The following FLVCR2 variants were observed in gnomAD, a reference collection of about 807,000 sequenced individuals.
FLVCR2 encodes the protein FLVCR choline and putative heme transporter 2.
Under a neutral mutation model 48.9 loss-of-function variants are expected in FLVCR2, and 38 were observed. The ratio of observed to expected loss-of-function variants is 0.78; its 90% CI spans 0.60 to 1.02. FLVCR2 has a LOEUF of 1.02. Ranked by LOEUF, FLVCR2 falls within the 50% of genes least tolerant of loss-of-function variation. The probability of loss-of-function intolerance (pLI) is 0.00; values close to 1 mark genes in which losing one functional copy is unlikely to be tolerated. For synonymous variants in FLVCR2, 255 were observed against 257.0 expected (o/e 0.99, Z 0.07); for missense variants, 664 against 663.3 (o/e 1.00, Z -0.01).
rs375606040 is a variant in FLVCR2 at position 75,624,751 on chromosome 14, T to C, written c.951T>C (p.Tyr317=). ...ACTTTGTGCTGCTTGTCATCACCTA[T>C]GGTAAGGTGTCAATGTGTCTAGGAA... is the stretch of plus-strand genomic sequence containing the variant. ...NLNFVLLVIT[Y]GLNAGAFYAL... is the part of the protein sequence containing the mutation. The change falls in exon 3 of 10, where the codon TAT becomes TAC. Residue 317 remains tyrosine (Y), a splice_region_variant and synonymous_variant. Transcript: ENST00000238667. 3.6e-5 allele frequency: 58 copies of C among 1,614,018 alleles called. No individual in the cohort carries two copies. The highest frequency in any genetic ancestry group is 4.7e-5 in the Non-Finnish European group (56 of 1,180,010).
chr14:75,626,441 T>C (rs2140041555), intron 3 of FLVCR2, among the ~76,000 whole-genome samples: 1 of 152,028 alleles, frequency 6.6e-6, no homozygotes, highest in African/African-American at 2.4e-5. Flanking sequence ...TTCATCCTGG[T>C]AGAGGGGCAA....
chr14:75,588,532 G>T (rs1347156720), intron 1 of FLVCR2, among the ~76,000 whole-genome samples: 1 of 152,158 alleles, frequency 6.6e-6, no homozygotes, highest in Non-Finnish European at 1.5e-5. Context: ...ACCCAGGCTG[G>T]AGTTCACAGA....
chr14:75,627,772 G>A (rs954994343), intron 3 of FLVCR2, among the ~76,000 whole-genome samples: 1 of 152,188 alleles, frequency 6.6e-6, no homozygotes, highest in Non-Finnish European at 1.5e-5. Flanking sequence ...ATAACAGTTG[G>A]GGTGAACAAG....
In FLVCR2 at chr14:75,647,463, T is replaced by C. The variant is rs117346030; in HGVS notation, c.*991T>C. ...AAAATCCAAAGGTGCTTCTGAGAGA[T>C]AAGAGGGAAGGGGTAGAAGGAAAGG... On this transcript the variant is annotated 3_prime_UTR_variant, in exon 10 of 10. Coordinates refer to ENST00000238667, the MANE Select transcript of FLVCR2 (RefSeq NM_017791.3). The C allele has an allele frequency of 0.02, 3,004 of 152,530 alleles. 50 individuals are homozygous for C. Among genetic ancestry groups the C allele is most frequent in the South Asian group, 0.04 (191 of 4,814 alleles). The allele number at this position is 152,530 out of a possible 1,614,324, so 9.4% of individuals were successfully genotyped here.
chr14:75,617,372 T>G (rs967326837), intron 1 of FLVCR2, among the ~76,000 whole-genome samples: 3 of 152,076 alleles, frequency 2.0e-5, no homozygotes, highest in Admixed American at 6.5e-5. Context: ...CATTTAGAGG[T>G]CACCTTTGAG....
At chr14:75,599,079 G>A (rs1889096833) in intron 1 of FLVCR2, among the ~76,000 whole-genome samples, 1 of 152,124 alleles carries the variant, frequency 6.6e-6, no homozygotes, top group South Asian at 2.1e-4. Context: ...ACTAGGAAGT[G>A]GCTAAAATAA....
chr14:75,624,568 G>T, intron 2 of FLVCR2, 44 bp from the exon 3 acceptor site: 1 of 1,613,134 alleles, frequency 6.2e-7, no homozygotes, highest in South Asian at 1.1e-5. Context: ...CTTCTGGGGT[G>T]GGACCATGGG....
intron 1 of FLVCR2, among the ~76,000 whole-genome samples, chr14:75,609,104 T>C (rs1889371848): frequency 6.6e-6 from 1 of 152,166 alleles, no homozygotes; most frequent in South Asian, 2.1e-4. Flanking sequence ...ATAGCCTTTA[T>C]TTTATTTATT....
intron 1 of FLVCR2, among the ~76,000 whole-genome samples, chr14:75,601,715 T>C (rs1889170084): frequency 6.6e-6 from 1 of 152,182 alleles, no homozygotes; most frequent in East Asian, 1.9e-4. Context: ...GAACAGATAT[T>C]TGTATACTCG....
chr14:75,581,052 A>T (rs1302056314), intron 1 of FLVCR2, among the ~76,000 whole-genome samples: 1 of 151,666 alleles, frequency 6.6e-6, no homozygotes, highest in Non-Finnish European at 1.5e-5. Context: ...TTCGAGCGGG[A>T]TTAGGGGCAG....
intron 5 of FLVCR2, among the ~76,000 whole-genome samples, 187 bp from the exon 6 acceptor site, chr14:75,639,165 C>T (rs905308280): frequency 6.6e-6 from 1 of 152,210 alleles, no homozygotes; most frequent in African/African-American, 2.4e-5. Context: ...GAGCTGTGAT[C>T]ACGCCACTGC....
chr14:75,580,820 T>G (rs1023893415), intron 1 of FLVCR2, among the ~76,000 whole-genome samples: 3 of 152,222 alleles, frequency 2.0e-5, no homozygotes, highest in African/African-American at 7.2e-5. Flanking sequence ...CAGTTAAGGC[T>G]ATTTTCACTT....
At chr14:75,642,500 G>A (rs1334524789) in intron 9 of FLVCR2, among the ~76,000 whole-genome samples, 1 of 152,268 alleles carries the variant, frequency 6.6e-6, no homozygotes, top group African/African-American at 2.4e-5. Context: ...AACCAGCTGG[G>A]AACCACTTTA....
intron 3 of FLVCR2, chr14:75,632,822 A>G: frequency 1.4e-6 from 1 of 702,276 alleles, no homozygotes; most frequent in Non-Finnish European, 2.6e-6. Context: ...TATTATCTCT[A>G]AAATGGTGAC....
intron 1 of FLVCR2, among the ~76,000 whole-genome samples, chr14:75,609,434 C>G (rs1198445105): frequency 6.6e-6 from 1 of 152,208 alleles, no homozygotes; most frequent in Non-Finnish European, 1.5e-5. Flanking sequence ...CTTTCTCTCT[C>G]TCAGGGCGTT....
At chr14:75,604,784 AG>A (rs1253291278) in intron 1 of FLVCR2, among the ~76,000 whole-genome samples, 1 of 152,190 alleles carries the variant, frequency 6.6e-6, no homozygotes, top group African/African-American at 2.4e-5. Context: ...TGAAGTGACC[AG>A]GGGTTGGTAC....
At chr14:75,644,323 T>C (rs184955280) in intron 9 of FLVCR2, among the ~76,000 whole-genome samples, 8 of 152,360 alleles carry the variant, frequency 5.3e-5, no homozygotes, top group Admixed American at 1.3e-4. Context: ...TTACTTAGTA[T>C]AGCTTGATAA....
intron 5 of FLVCR2, among the ~76,000 whole-genome samples, chr14:75,636,876 A>G (rs558953008): frequency 6.6e-6 from 1 of 152,300 alleles, no homozygotes; most frequent in Non-Finnish European, 1.5e-5. Flanking sequence ...GTGGTTTAGG[A>G]TGAAGCTATG....
intron 1 of FLVCR2, among the ~76,000 whole-genome samples, chr14:75,593,796 C>T (rs1888950622): frequency 6.6e-6 from 1 of 152,228 alleles, no homozygotes; most frequent in Admixed American, 6.5e-5. Flanking sequence ...GCCTGGTTGC[C>T]TTCTGTCTAC....
Sources: gnomAD v4.1 joint callset for allele counts (sites outside exome capture counted in the v4.1 genomes callset) on GRCh38, gnomAD v4.1.1 for gene constraint, MANE v1.5 for transcripts, NCBI Gene and HGNC (gene_info 2026-07-23, HGNC 2026-07-21) for gene names.